The following ARAP2 variants were observed in gnomAD, a reference collection of about 807,000 sequenced individuals.
ARAP2 encodes the protein ArfGAP with RhoGAP domain, ankyrin repeat and PH domain 2, also known as arf-GAP with Rho-GAP domain, ANK repeat and PH domain-containing protein 2.
ARAP2 carries 148 observed loss-of-function variants against 194.5 expected under a neutral mutation model. The ratio of observed to expected loss-of-function variants is 0.76; its 90% CI spans 0.67 to 0.87. The LOEUF (loss-of-function observed/expected upper bound fraction) is 0.87, where lower values mean the gene tolerates loss of function less well. Among genes scored for constraint, ARAP2 ranks in the 40% least tolerant of loss-of-function variants. ARAP2 has a pLI of 0.00. For missense variants in ARAP2, 2,128 were observed against 1,989.7 expected, an observed-to-expected ratio of 1.07 and a Z score of -1.32; for synonymous variants, 695 against 683.5, an observed-to-expected ratio of 1.02 and a Z score of -0.26.
intron 1 of ARAP2, among the ~76,000 whole-genome samples, chr4:36,232,549 A>G (rs1186750211): frequency 6.6e-6 from 1 of 152,196 alleles, no homozygotes; most frequent in Non-Finnish European, 1.5e-5. Context: ...CCCTTGCCAA[A>G]CATTCTACCA....
intron 30 of ARAP2, among the ~76,000 whole-genome samples, chr4:36,081,429 T>C (rs1367469287): frequency 1.3e-5 from 2 of 152,090 alleles, no homozygotes; most frequent in African/African-American, 2.4e-5. Flanking sequence ...CAGCAAGGAA[T>C]GCGTGGTGAA....
At chr4:36,153,967 A>G (rs1731630079) in intron 15 of ARAP2, among the ~76,000 whole-genome samples, 1 of 152,144 alleles carries the variant, frequency 6.6e-6, no homozygotes, top group Non-Finnish European at 1.5e-5. Flanking sequence ...CTGAGGTCAC[A>G]CTAAGTATTT....
At chr4:36,205,043 C>T (rs1322087334) in intron 6 of ARAP2, among the ~76,000 whole-genome samples, 1 of 108,224 alleles carries the variant, frequency 9.2e-6, no homozygotes, top group South Asian at 3.3e-4. Context: ...ACAAAAAAAT[C>T]AACAATTATT....
chr4:36,127,252 G>A (rs1724162931), intron 21 of ARAP2, among the ~76,000 whole-genome samples: 2 of 151,964 alleles, frequency 1.3e-5, no homozygotes, highest in Admixed American at 6.6e-5. Flanking sequence ...CAAAAATGAG[G>A]GGTGCAAGGT....
rs75110152 is a variant in ARAP2, at chr4:36,240,202, T to C, written c.-160+3977A>G. Among the ~76,000 whole-genome samples, 48 of 152,368 alleles carry C rather than the reference T, an allele frequency of 3.2e-4. 1 individual carries two copies. The East Asian group carries it at 6.4e-3, about 20-fold the overall frequency. On this transcript the variant is annotated intron_variant, in intron 1 of 32. Coordinates refer to ENST00000303965, the MANE Select transcript of ARAP2 (RefSeq NM_015230.4). ...ATGAGTTACAACTGCACCATAAACG[T>C]TGGCTAATATTAATTCACCCATTGT...
At chr4:36,061,219 T>C (rs1461941842), downstream of ARAP2, among the ~76,000 whole-genome samples, 1 of 151,978 alleles carries the variant, frequency 6.6e-6, no homozygotes, top group African/African-American at 2.4e-5. Flanking sequence ...ACAATCCAGT[T>C]ATACTCTTTT....
chr4:36,229,940 A>G (rs1344821824), intron 1 of ARAP2, among the ~76,000 whole-genome samples: 2 of 152,262 alleles, frequency 1.3e-5, no homozygotes, highest in Admixed American at 6.5e-5. Flanking sequence ...TTCATTAAAA[A>G]TGAGGGAACC....
chr4:36,236,220 C>T (rs561734890), intron 1 of ARAP2, among the ~76,000 whole-genome samples: 1 of 152,048 alleles, frequency 6.6e-6, no homozygotes, highest in African/African-American at 2.4e-5. Context: ...ACAAGCTTCC[C>T]CCTAATGTCT....
chr4:36,154,262 A>G (rs1348222612), intron 15 of ARAP2, among the ~76,000 whole-genome samples: 1 of 152,192 alleles, frequency 6.6e-6, no homozygotes, highest in East Asian at 1.9e-4. Context: ...GGCACCCACT[A>G]CAAACAGTAA....
At position 36,012,117 on chromosome 4, in the gene ARAP2, T is replaced by C. The variant is rs140149294; in HGVS notation, n.1325+446A>G. Among the ~76,000 whole-genome samples, 981 of 152,316 alleles carry C rather than the reference T, an allele frequency of 6.4e-3. 13 individuals are homozygous for C. Among genetic ancestry groups the C allele is most frequent in the African/African-American group, 0.022 (935 of 41,566 alleles). ...ATTTGAAACTTTTAGAATGTGTAAA[T>C]TAAAATGTCTACGATTCTTCATAAT... On this transcript the variant is annotated intron_variant and non_coding_transcript_variant, in intron 9 of 12. Coordinates refer to the ARAP2 transcript ENST00000503225.
chr4:36,065,413 A>G (rs1725234193), downstream of ARAP2: 2 of 508,376 alleles, frequency 3.9e-6, no homozygotes, highest in Non-Finnish European at 8.0e-6. Flanking sequence ...CACTCAGGGA[A>G]AAGAGCTCTG....
intron 31 of ARAP2, among the ~76,000 whole-genome samples, chr4:36,077,714 AT>A (rs1400686192): frequency 6.6e-6 from 1 of 152,094 alleles, no homozygotes; most frequent in African/African-American, 2.4e-5. Flanking sequence ...GAACAAAATA[AT>A]TTTTTTCAAT....
At chr4:36,081,155 G>A (rs1421946044) in intron 30 of ARAP2, among the ~76,000 whole-genome samples, 2 of 151,968 alleles carry the variant, frequency 1.3e-5, no homozygotes, top group Non-Finnish European at 2.9e-5. Context: ...CCATGTCCAG[G>A]CCACAAACCA....
At chr4:36,034,050 C>T (rs1432829254) in intron 5 of ARAP2, among the ~76,000 whole-genome samples, 4 of 152,026 alleles carry the variant, frequency 2.6e-5, no homozygotes, top group Non-Finnish European at 5.9e-5. Flanking sequence ...GTCACTGTAG[C>T]AATGTAGTAT....
At chr4:36,194,602 G>A (rs544410277) in intron 6 of ARAP2, among the ~76,000 whole-genome samples, 2 of 152,224 alleles carry the variant, frequency 1.3e-5, no homozygotes, top group African/African-American at 4.8e-5. Flanking sequence ...TTCAGGAAGT[G>A]TAGAGAGCTT....
intron 15 of ARAP2, among the ~76,000 whole-genome samples, chr4:36,155,651 AT>A (rs35441865): frequency 0.14 from 20,042 of 146,872 alleles, 1,566 homozygotes; most frequent in African/African-American, 0.22. Context: ...TTTTTTATTT[AT>A]TTTTTTTTTT....
At chr4:36,148,999 T>C (rs372185610) in intron 16 of ARAP2, among the ~76,000 whole-genome samples, 1 of 152,204 alleles carries the variant, frequency 6.6e-6, no homozygotes, top group Non-Finnish European at 1.5e-5. Flanking sequence ...CCTTTCATCA[T>C]CTCAACTTAC....
chr4:36,021,147 G>T (rs1716869347), intron 5 of ARAP2, among the ~76,000 whole-genome samples: 1 of 152,158 alleles, frequency 6.6e-6, no homozygotes, highest in African/African-American at 2.4e-5. Flanking sequence ...TGTACATAAA[G>T]TTATACTGGT....
At chr4:36,238,523 TTA>T (rs1410904393) in intron 1 of ARAP2, among the ~76,000 whole-genome samples, 1 of 152,244 alleles carries the variant, frequency 6.6e-6, no homozygotes, top group Non-Finnish European at 1.5e-5. Context: ...TAGCAAAGAC[TTA>T]ATAGTCTCCC....
Sources: gnomAD v4.1 joint callset for allele counts (sites outside exome capture counted in the v4.1 genomes callset) on GRCh38, gnomAD v4.1.1 for gene constraint, MANE v1.5 for transcripts, NCBI Gene and HGNC (gene_info 2026-07-23, HGNC 2026-07-21) for gene names.